Variants in ANKRD45 observed in about 807,000 individuals in gnomAD.
The protein encoded by ANKRD45 is ankyrin repeat domain-containing protein 45.
ANKRD45 carries 21 observed loss-of-function variants against 28.1 expected under a neutral mutation model. The ratio of observed to expected loss-of-function variants is 0.75; its 90% CI spans 0.53 to 1.08. The LOEUF is 1.08. Ranked by LOEUF, ANKRD45 falls within the 50% of genes least tolerant of loss-of-function variation. The probability of loss-of-function intolerance (pLI) is 0.00; values close to 1 mark genes in which losing one functional copy is unlikely to be tolerated. For synonymous variants in ANKRD45, 86 were observed against 103.9 expected, an observed-to-expected ratio of 0.83 and a Z score of 1.05; for missense variants, 261 against 308.7, an observed-to-expected ratio of 0.85 and a Z score of 1.16.
At chr1:173,658,826 G>C in intron 2 of ANKRD45, 1 of 320,022 alleles carries the variant, frequency 3.1e-6, no homozygotes, top group Non-Finnish European at 5.4e-6. Flanking sequence ...TTTTGCAGAT[G>C]GAAAAACAGA....
chr1:173,610,638 G>A (rs560784527), intron 5 of ANKRD45, among the ~76,000 whole-genome samples: 1 of 152,088 alleles, frequency 6.6e-6, no homozygotes, highest in African/African-American at 2.4e-5. Context: ...AAGGGAAGGA[G>A]GGGGGATTGT....
At chr1:173,623,122 C>T (rs1056038203) in intron 5 of ANKRD45, among the ~76,000 whole-genome samples, 1 of 151,592 alleles carries the variant, frequency 6.6e-6, no homozygotes, top group South Asian at 2.1e-4. Flanking sequence ...TCAAGACCAG[C>T]CTGGCCAACA....
At chr1:173,619,528 C>G (rs1194317637) in intron 5 of ANKRD45, among the ~76,000 whole-genome samples, 1 of 152,058 alleles carries the variant, frequency 6.6e-6, no homozygotes, top group Non-Finnish European at 1.5e-5. Context: ...CAACAAAGGT[C>G]AAAAAGGACA....
chr1:173,689,871 G>A, the ANKRD45 span, among the ~76,000 whole-genome samples: 2 of 151,982 alleles, frequency 1.3e-5, no homozygotes, highest in African/African-American at 4.8e-5. Flanking sequence ...AACTACCATA[G>A]CAGCCCTACA....
intron 1 of ANKRD45, among the ~76,000 whole-genome samples, chr1:173,663,779 T>C (rs1018418447): frequency 3.3e-5 from 5 of 152,210 alleles, no homozygotes; most frequent in Admixed American, 3.3e-4. Flanking sequence ...TTATATCTTG[T>C]ATAAATTATT....
the ANKRD45 span, among the ~76,000 whole-genome samples, chr1:173,685,016 A>G: frequency 1.3e-5 from 2 of 152,242 alleles, no homozygotes; most frequent in Non-Finnish European, 2.9e-5. Flanking sequence ...GTGAGAGTCA[A>G]AAGACCTATA....
the ANKRD45 span, among the ~76,000 whole-genome samples, chr1:173,698,696 A>C: frequency 6.6e-6 from 1 of 152,234 alleles, no homozygotes; most frequent in Non-Finnish European, 1.5e-5. Flanking sequence ...TTATAGCAAT[A>C]AATGCCCACA....
chr1:173,655,534 T>C (rs1669464206), intron 2 of ANKRD45, among the ~76,000 whole-genome samples: 1 of 152,236 alleles, frequency 6.6e-6, no homozygotes, highest in Non-Finnish European at 1.5e-5. Context: ...AGTCGGCCCC[T>C]ACTGGGAGGT....
chr1:173,630,876 A>G lies in ANKRD45; in HGVS notation c.497-3717T>C, dbSNP rs1463806074. Reference sequence around the variant, plus strand: ...AGAGACACAAAAAATAAAAAGCAAGAAACTAAAAGGAAGACAGGAAGGAAG... The same window carrying G: ...AGAGACACAAAAAATAAAAAGCAAGGAACTAAAAGGAAGACAGGAAGGAAG... On this transcript the variant is annotated intron_variant, in intron 3 of 5. Transcript: ENST00000333279. 2.7e-5 allele frequency among the ~76,000 whole-genome samples: 4 copies of G among 150,928 alleles called. 1 individual carries two copies. The highest frequency in any genetic ancestry group is 7.3e-5 in the African/African-American group (3 of 41,206).
intron 1 of ANKRD45, among the ~76,000 whole-genome samples, chr1:173,667,531 G>A (rs887878685): frequency 7.2e-5 from 11 of 151,972 alleles, no homozygotes; most frequent in Middle Eastern, 3.4e-3. Flanking sequence ...GTGAAACCCC[G>A]TCTCTACTAA....
At chr1:173,681,472 TAG>T in the ANKRD45 span, among the ~76,000 whole-genome samples, 14 of 152,204 alleles carry the variant, frequency 9.2e-5, no homozygotes, top group Non-Finnish European at 2.9e-5. Context: ...TTAAGCCGAT[TAG>T]AGCTCTTTTG....
At chr1:173,618,669 A>G (rs1346669306) in intron 5 of ANKRD45, among the ~76,000 whole-genome samples, 2 of 152,228 alleles carry the variant, frequency 1.3e-5, no homozygotes, top group African/African-American at 2.4e-5. Flanking sequence ...TGATTGGGGT[A>G]CCTGAAAAAG....
intron 3 of ANKRD45, among the ~76,000 whole-genome samples, chr1:173,643,895 C>T (rs1046406988): frequency 5.9e-5 from 9 of 152,106 alleles, no homozygotes; most frequent in East Asian, 1.9e-4. Flanking sequence ...TTATGGATTA[C>T]GAAAGGTTTA....
At chr1:173,680,972 G>T in the ANKRD45 span, among the ~76,000 whole-genome samples, 1,671 of 151,346 alleles carry the variant, frequency 0.011, 35 homozygotes, top group African/African-American at 0.039. Flanking sequence ...TGGTGGGTGG[G>T]GGGGAGGCGG....
chr1:173,647,947 ATAT>A (rs1239906616), intron 2 of ANKRD45, among the ~76,000 whole-genome samples: 1 of 151,184 alleles, frequency 6.6e-6, no homozygotes, highest in Non-Finnish European at 1.5e-5. Flanking sequence ...GCATGCCCAG[ATAT>A]TTTTTTTTTT....
chr1:173,647,090 AT>A (rs1668971325), intron 2 of ANKRD45, 77 bp from the exon 3 acceptor site: 2 of 1,398,866 alleles, frequency 1.4e-6, no homozygotes, highest in African/African-American at 2.9e-5. Context: ...GAAGATCATA[AT>A]GGTGATCAAG....
intron 2 of ANKRD45, among the ~76,000 whole-genome samples, chr1:173,648,277 A>T (rs1439379860): frequency 1.3e-5 from 2 of 152,048 alleles, no homozygotes; most frequent in African/African-American, 2.4e-5. Context: ...GAGTCTCAGT[A>T]TATTGCCCAG....
the ANKRD45 span, among the ~76,000 whole-genome samples, chr1:173,681,549 G>A: frequency 4.2e-4 from 64 of 152,232 alleles, no homozygotes; most frequent in East Asian, 9.6e-4. Context: ...TAGGCATGCC[G>A]ATAGAAGTAC....
At chr1:173,699,483 T>C in the ANKRD45 span, among the ~76,000 whole-genome samples, 1 of 151,896 alleles carries the variant, frequency 6.6e-6, no homozygotes, top group Non-Finnish European at 1.5e-5. Context: ...CAAGATCAAG[T>C]TGGCTTCAAC....
Sources: allele counts gnomAD v4.1 joint callset (sites outside exome capture counted in the v4.1 genomes callset), GRCh38; gene constraint gnomAD v4.1.1; transcripts MANE v1.5; gene names NCBI Gene and HGNC (gene_info 2026-07-23, HGNC 2026-07-21).